Variants in DDX10 observed in about 807,000 individuals in gnomAD.
DDX10 encodes DEAD-box helicase 10.
A neutral mutation model predicts 104.3 loss-of-function variants in DDX10; 74 were observed. The ratio of observed to expected loss-of-function variants is 0.71; its 90% confidence interval spans 0.59 to 0.86. The LOEUF (loss-of-function observed/expected upper bound fraction) is 0.86, where lower values mean the gene tolerates loss of function less well. Ranked by LOEUF, DDX10 falls within the 40% of genes least tolerant of loss-of-function variation. The pLI, the probability that DDX10 is intolerant of heterozygous loss-of-function variation, is 0.00. For missense variants in DDX10, 952 were observed against 1,040.0 expected, an observed-to-expected ratio of 0.92 and a Z score of 1.16; for synonymous variants, 351 against 353.4, an observed-to-expected ratio of 0.99 and a Z score of 0.08.
At chr11:108,889,856 T>G (rs1863352011) in intron 16 of DDX10, among the ~76,000 whole-genome samples, 1 of 152,210 alleles carries the variant, frequency 6.6e-6, no homozygotes, top group South Asian at 2.1e-4. Flanking sequence ...TATAAATGAT[T>G]GTTCTGGCAC....
chr11:108,753,503 A>G (rs79605758), intron 13 of DDX10, among the ~76,000 whole-genome samples: 4,987 of 152,154 alleles, frequency 0.033, 196 homozygotes, highest in African/African-American at 0.096. Flanking sequence ...ATAAGCATTA[A>G]AGATACTCTC....
chr11:108,768,901 TTGTTTTTGTTTTGTCTGTCTGAAAA>T lies in DDX10; in HGVS notation c.1965+45478_1965+45502del, dbSNP rs879452231. On this transcript the variant is annotated intron_variant, in intron 13 of 17. Transcript: ENST00000322536. ...GTAGTTATTTCAGTGAGAGTATGTT[TTGTTTTTGTTTTGTCTGTCTGAAAA>T]TGTTTTTGTTTTGTCTGTCTGAAAA... Among the ~76,000 whole-genome samples, 64 of 152,266 alleles carry T rather than the reference TTGTTTTTGTTTTGTCTGTCTGAAAA, an allele frequency of 4.2e-4. 2 individuals carry two copies. The highest frequency in any genetic ancestry group is 2.2e-4 in the Non-Finnish European group (15 of 68,010).
chr11:108,865,563 T>G (rs969032666), intron 16 of DDX10, among the ~76,000 whole-genome samples: 2 of 152,096 alleles, frequency 1.3e-5, no homozygotes, highest in African/African-American at 4.8e-5. Flanking sequence ...GAGGGTCTTA[T>G]CAGGTTTTTT....
Position 108,940,151 on chromosome 11 carries a change from A to G in DDX10, c.2451-95A>G, listed in dbSNP as rs146484153. 4.2e-3 allele frequency: 5,440 copies of G among 1,299,780 alleles called. 24 individuals carry two copies. Among genetic ancestry groups the G allele is most frequent in the Non-Finnish European group, 5.1e-3 (4,867 of 951,670 alleles). The allele number at this position is 1,299,780 out of a possible 1,614,324, so 80.5% of individuals were successfully genotyped here. ...CCATGGTTTCCTTCATTCTTGAATA[A>G]TATCACTTTACCAACTCTCTGTTAA... On this transcript the variant is annotated intron_variant, in intron 17 of 17. Transcript: ENST00000322536.
intron 2 of DDX10, among the ~76,000 whole-genome samples, chr11:108,674,387 A>G (rs1180168858): frequency 6.6e-6 from 1 of 152,124 alleles, no homozygotes; most frequent in Admixed American, 6.5e-5. Context: ...AACTAATTGT[A>G]TATGTGCTAA....
At chr11:108,743,485 C>A (rs751147503) in intron 13 of DDX10, among the ~76,000 whole-genome samples, 1 of 152,178 alleles carries the variant, frequency 6.6e-6, no homozygotes, top group Non-Finnish European at 1.5e-5. Flanking sequence ...TGCCCTCTCT[C>A]ACCACTTGTA....
chr11:108,831,438 A>G (rs976140927), intron 13 of DDX10, among the ~76,000 whole-genome samples: 20 of 151,102 alleles, frequency 1.3e-4, no homozygotes, highest in African/African-American at 4.3e-4. Flanking sequence ...AAAAAAAAAA[A>G]AAAAAAAGAA....
At chr11:108,718,318 G>T (rs561811938) in intron 11 of DDX10, among the ~76,000 whole-genome samples, 2 of 152,250 alleles carry the variant, frequency 1.3e-5, no homozygotes, top group South Asian at 4.1e-4. Context: ...TACCAAGTTG[G>T]ACTTCTATAA....
intron 13 of DDX10, among the ~76,000 whole-genome samples, chr11:108,728,726 C>T (rs2134481974): frequency 6.6e-6 from 1 of 152,012 alleles, no homozygotes; most frequent in East Asian, 1.9e-4. Context: ...CTGTGTTCCC[C>T]AGGATGGTCT....
At chr11:108,893,945 T>G (rs1170591105) in intron 16 of DDX10, among the ~76,000 whole-genome samples, 1 of 152,084 alleles carries the variant, frequency 6.6e-6, no homozygotes, top group East Asian at 1.9e-4. Context: ...AAACAAAATA[T>G]TTTCTTTGAT....
chr11:108,781,240 A>G (rs552986109), intron 13 of DDX10, among the ~76,000 whole-genome samples: 48 of 150,924 alleles, frequency 3.2e-4, no homozygotes, highest in African/African-American at 1.0e-3. Context: ...ACATGATTTC[A>G]CTCTTTTTTA....
chr11:108,731,388 G>A (rs2094312064), intron 13 of DDX10, among the ~76,000 whole-genome samples: 5 of 151,810 alleles, frequency 3.3e-5, no homozygotes, highest in Admixed American at 3.3e-4. Context: ...AACTTCACCT[G>A]TTACCTACTT....
chr11:108,714,865 T>C (rs2094289290), intron 10 of DDX10, among the ~76,000 whole-genome samples: 2 of 152,158 alleles, frequency 1.3e-5, no homozygotes, highest in Admixed American at 1.3e-4. Flanking sequence ...GGCTGTGACT[T>C]GGTAATTGTT....
intron 13 of DDX10, among the ~76,000 whole-genome samples, chr11:108,781,966 C>G (rs186399988): frequency 3.7e-4 from 56 of 152,304 alleles, no homozygotes; most frequent in African/African-American, 1.2e-3. Context: ...AGAGATTCTT[C>G]TGGGATACTC....
At chr11:108,799,727 A>C (rs986226324) in intron 13 of DDX10, among the ~76,000 whole-genome samples, 3 of 151,950 alleles carry the variant, frequency 2.0e-5, no homozygotes, top group Non-Finnish European at 4.4e-5. Flanking sequence ...TATTGTTATT[A>C]CTTGTTTGTA....
At chr11:108,677,393 T>C (rs2094227114) in intron 4 of DDX10, 150 bp downstream of exon 4, 1 of 653,986 alleles carries the variant, frequency 1.5e-6, no homozygotes, top group South Asian at 4.1e-5. Context: ...TGGTCGCTGC[T>C]ATCTACGATC....
At chr11:108,670,293 AG>A (rs1489007487) in intron 1 of DDX10, among the ~76,000 whole-genome samples, 1 of 151,990 alleles carries the variant, frequency 6.6e-6, no homozygotes, top group Non-Finnish European at 1.5e-5. Flanking sequence ...CAGGCACAGG[AG>A]GGGGAATGTC....
chr11:108,838,187 C>T (rs978057384), intron 13 of DDX10, among the ~76,000 whole-genome samples: 1 of 152,128 alleles, frequency 6.6e-6, no homozygotes, highest in African/African-American at 2.4e-5. Flanking sequence ...TCAAATAGCA[C>T]AGTTCTAGTA....
chr11:108,708,932 A>G (rs1014738640), intron 10 of DDX10, among the ~76,000 whole-genome samples: 1 of 152,164 alleles, frequency 6.6e-6, no homozygotes, highest in African/African-American at 2.4e-5. Flanking sequence ...TAGCTTTTGT[A>G]TATTAATCTT....
Sources: gnomAD v4.1 joint callset for allele counts (sites outside exome capture counted in the v4.1 genomes callset) on GRCh38, gnomAD v4.1.1 for gene constraint, MANE v1.5 for transcripts, NCBI Gene and HGNC (gene_info 2026-07-23, HGNC 2026-07-21) for gene names.